The following HBS1L variants were observed in gnomAD, a reference collection of about 807,000 sequenced individuals.
The protein encoded by HBS1L is HBS1-like protein.
In HBS1L, 55 loss-of-function variants were observed where a neutral mutation model predicts 88.9. The observed-to-expected ratio is 0.62, with a 90% CI of 0.50 to 0.77. HBS1L has a LOEUF of 0.77. Among genes scored for constraint, HBS1L ranks in the 30% least tolerant of loss-of-function variants. The pLI is 0.00. For synonymous variants in HBS1L, 267 were observed against 288.5 expected, an observed-to-expected ratio of 0.93 and a Z score of 0.76; for missense variants, 741 against 829.3, an observed-to-expected ratio of 0.89 and a Z score of 1.31.
At chr6:135,050,052 T>G (rs543839539) in intron 2 of HBS1L, among the ~76,000 whole-genome samples, 37 of 152,372 alleles carry the variant, frequency 2.4e-4, no homozygotes, top group Middle Eastern at 6.8e-3. Context: ...ATCTTTGGGC[T>G]GATAATCTAG....
Position 134,963,159 on chromosome 6 carries a change from T to G in HBS1L, c.*2120A>C, listed in dbSNP as rs1344996818. 1 of 152,148 alleles carries G rather than the reference T, an allele frequency of 6.6e-6. No homozygotes were observed. Among genetic ancestry groups the G allele is most frequent in the Non-Finnish European group, 1.5e-5 (1 of 68,046 alleles). 9.4% of individuals were successfully genotyped at this position (152,148 alleles called of 1,614,324 possible). A position where few individuals can be genotyped will look rare whatever the true frequency, so the allele number is the denominator to read the frequency against. ...CCTTAAACCCCAATCCATTTCCCCT[T>G]CCTAACAGCACCCTGAATTTCCAAC... On this transcript the variant is annotated 3_prime_UTR_variant, in exon 18 of 18. Transcript: ENST00000367837.
At chr6:134,979,412 G>A (rs1219031456) in intron 13 of HBS1L, 144 bp from the exon 14 acceptor site, 1 of 631,538 alleles carries the variant, frequency 1.6e-6, no homozygotes, top group East Asian at 2.8e-5. Flanking sequence ...AAGTGTAACT[G>A]TGAGCGTTGA....
chr6:134,983,924 G>A (rs752842110), intron 12 of HBS1L, among the ~76,000 whole-genome samples: 3 of 152,114 alleles, frequency 2.0e-5, no homozygotes, highest in Non-Finnish European at 2.9e-5. Flanking sequence ...AGAAACCAAG[G>A]GAGGAGTTTC....
chr6:135,022,888 A>C (rs934809593), intron 4 of HBS1L, among the ~76,000 whole-genome samples: 3 of 151,926 alleles, frequency 2.0e-5, no homozygotes. Context: ...TTCCAGGATA[A>C]GGATAAAATC....
chr6:135,019,858 A>T (rs970314243), intron 4 of HBS1L, among the ~76,000 whole-genome samples: 2 of 151,928 alleles, frequency 1.3e-5, no homozygotes, highest in South Asian at 2.1e-4. Context: ...AATATAATGA[A>T]TTTTAAAGCA....
intron 15 of HBS1L, among the ~76,000 whole-genome samples, chr6:134,976,101 G>A (rs1180616998): frequency 6.6e-6 from 1 of 152,088 alleles, no homozygotes; most frequent in Non-Finnish European, 1.5e-5. Flanking sequence ...CAAGTGACAT[G>A]AGCAGACACT....
chr6:134,968,104 G>C (rs1010477126), intron 16 of HBS1L, among the ~76,000 whole-genome samples: 3 of 152,106 alleles, frequency 2.0e-5, no homozygotes, highest in Non-Finnish European at 2.9e-5. Context: ...CTCTTCTGCA[G>C]GTGTAAAAGA....
At chr6:134,983,936 A>G (rs142091568) in intron 12 of HBS1L, among the ~76,000 whole-genome samples, 21 of 152,296 alleles carry the variant, frequency 1.4e-4, no homozygotes, top group African/African-American at 4.6e-4. Flanking sequence ...AGGAGTTTCA[A>G]GGTGGATGTG....
intron 8 of HBS1L, among the ~76,000 whole-genome samples, chr6:134,990,871 AAT>A (rs1775113350): frequency 3.3e-5 from 5 of 152,140 alleles, no homozygotes; most frequent in African/African-American, 9.7e-5. Context: ...CGATCTTTAT[AAT>A]AACTGTGGAC....
chr6:135,041,955 G>T, intron 3 of HBS1L, 46 bp downstream of exon 3: 7 of 1,564,190 alleles, frequency 4.5e-6, no homozygotes, highest in Non-Finnish European at 6.1e-6. Flanking sequence ...GGTGTATTTG[G>T]TCATTAATCA....
At chr6:135,039,091 T>C (rs898703783) in intron 4 of HBS1L, among the ~76,000 whole-genome samples, 8 of 151,920 alleles carry the variant, frequency 5.3e-5, no homozygotes, top group African/African-American at 1.5e-4. Flanking sequence ...GGTAGGCGGA[T>C]CACTTGAGGC....
At chr6:134,998,248 A>G (rs564040102) in intron 5 of HBS1L, among the ~76,000 whole-genome samples, 4 of 152,368 alleles carry the variant, frequency 2.6e-5, no homozygotes, top group Admixed American at 6.5e-5. Context: ...TGACATAGAA[A>G]TTAAAAAGTT....
chr6:135,046,922 T>C (rs1245763185), intron 2 of HBS1L, among the ~76,000 whole-genome samples: 1 of 152,048 alleles, frequency 6.6e-6, no homozygotes, highest in Non-Finnish European at 1.5e-5. Context: ...AAGTTTCTTA[T>C]CTGATGTTAC....
intron 15 of HBS1L, among the ~76,000 whole-genome samples, chr6:134,973,269 G>T (rs118023853): frequency 6.6e-6 from 1 of 152,312 alleles, no homozygotes; most frequent in Non-Finnish European, 1.5e-5. Context: ...GGCTTAAAAG[G>T]GGATGAAATT....
At chr6:135,002,891 T>C (rs750436411) in intron 4 of HBS1L, 49 bp from the exon 5 acceptor site, 48 of 1,056,004 alleles carry the variant, frequency 4.5e-5, no homozygotes, top group Non-Finnish European at 6.6e-5. Context: ...TTTAGTAATA[T>C]AAAGAAATCT....
At chr6:135,007,358 C>A (rs978504218) in intron 4 of HBS1L, among the ~76,000 whole-genome samples, 9 of 152,064 alleles carry the variant, frequency 5.9e-5, no homozygotes, top group African/African-American at 2.2e-4. Context: ...CTAACAGAAA[C>A]CATGGGGCAT....
chr6:135,007,693 T>C lies in HBS1L; in HGVS notation c.431-4851A>G, dbSNP rs1045005522. Among the ~76,000 whole-genome samples the C allele has an allele frequency of 2.6e-5, 4 of 152,172 alleles. No individual in the cohort carries two copies. The East Asian group carries it at 7.7e-4, about 29-fold the overall frequency. ...AGGAACTCATAACTAAAATAGCAAG[T>C]CATAGATCAATAAGAGATACATATA... On this transcript the variant is annotated intron_variant, in intron 4 of 17. Transcript: ENST00000367837.
intron 13 of HBS1L, among the ~76,000 whole-genome samples, chr6:134,981,576 T>C (rs950644099): frequency 1.1e-4 from 16 of 151,882 alleles, no homozygotes; most frequent in African/African-American, 3.6e-4. Context: ...ACTCTAGATA[T>C]AAACTATAAA....
chr6:135,039,752 C>T lies in HBS1L; in HGVS notation c.251G>A (p.Cys84Tyr), dbSNP rs751635759. 4.3e-6 allele frequency: 7 copies of T among 1,611,908 alleles called. No homozygotes were observed. Among genetic ancestry groups the T allele is most frequent in the East Asian group, 2.2e-5 (1 of 44,834 alleles). Reference sequence around the variant, plus strand: ...AAGTACCTCTCTCATGTGATCAAGGCATGAATAAAGACGAGCTAGAAAAGA... The same window carrying T: ...AAGTACCTCTCTCATGTGATCAAGGTATGAATAAAGACGAGCTAGAAAAGA... ...SGFDQARLYS[C>Y]LDHMREVLGD... is the part of the protein sequence containing the mutation. Residue 84 changes from cysteine to tyrosine, a missense_variant, in exon 4 of 18, where the codon TGC becomes TAC. Physicochemically the swap from Cys to Tyr is radical, Grantham distance 194. This residue lies in a region of HBS1L where 556 missense variants were observed against 598.4 expected (regional missense o/e 0.93). Coordinates refer to ENST00000367837, the MANE Select transcript of HBS1L (RefSeq NM_006620.4).
Sources: allele counts gnomAD v4.1 joint callset (sites outside exome capture counted in the v4.1 genomes callset), GRCh38; gene constraint gnomAD v4.1.1; regional missense constraint gnomAD v4.1.1; transcripts MANE v1.5; gene names NCBI Gene and HGNC (gene_info 2026-07-23, HGNC 2026-07-21).